SLC51A: variants seen among roughly 807,000 people sequenced by gnomAD.
SLC51A encodes solute carrier family 51 member A, also known as organic solute transporter subunit alpha.
Under a neutral mutation model 34.8 loss-of-function variants are expected in SLC51A, and 22 were observed. The ratio of observed to expected loss-of-function variants is 0.63; its 90% confidence interval spans 0.45 to 0.90. SLC51A has a LOEUF of 0.90. Ranked by LOEUF, SLC51A falls within the 40% of genes least tolerant of loss-of-function variation. The probability of loss-of-function intolerance (pLI) is 0.00; values close to 1 mark genes in which losing one functional copy is unlikely to be tolerated. For synonymous variants in SLC51A, 181 were observed against 176.3 expected, an observed-to-expected ratio of 1.03 and a Z score of -0.21; for missense variants, 371 against 414.8, an observed-to-expected ratio of 0.89 and a Z score of 0.92.
At position 196,228,383 on chromosome 3, in the gene SLC51A, GA is replaced by G. The variant is rs1723948879; in HGVS notation, c.521+112del. 4 of 1,392,086 alleles carry G rather than the reference GA, an allele frequency of 2.9e-6. No homozygotes were observed. The highest frequency in any genetic ancestry group is 3.8e-6 in the Non-Finnish European group (4 of 1,052,342). 86.2% of individuals were successfully genotyped at this position (1,392,086 alleles called of 1,614,324 possible). Reference sequence around the variant, plus strand: ...CGTGAATAGGCCAAAGCCAGTGACGGAAGGGTGGGCATCCCACGGCCAGGAC... The same window carrying G: ...CGTGAATAGGCCAAAGCCAGTGACGGAGGGTGGGCATCCCACGGCCAGGAC... On this transcript the variant is annotated intron_variant, in intron 5 of 8. Transcript: ENST00000296327. This position sits in a 1 kb window ranked among gnomAD's most constrained non-coding sequence, Gnocchi z 4.9.
At chr3:196,219,458 A>C (rs563174966) in intron 2 of SLC51A, among the ~76,000 whole-genome samples, 2 of 152,252 alleles carry the variant, frequency 1.3e-5, no homozygotes, top group Non-Finnish European at 2.9e-5. Flanking sequence ...TTCCCAGGCA[A>C]CAGGAAGCTC....
At position 196,217,926 on chromosome 3, in the gene SLC51A, A is replaced by G. The variant is rs568024007; in HGVS notation, c.123A>G (p.Gln41=). Residue 41 remains glutamine, a synonymous_variant, in exon 2 of 9, where the codon CAA becomes CAG. Transcript: ENST00000296327. ...TCTCTCAGCCTCCCACAGCAGCCCA[A>G]CTCCTGAGAGGTGAGTGGGGACCCT... The part of the protein sequence containing the change: ...ACFSQPPTAA[Q]LLRALGPVEL... The G allele has an allele frequency of 1.7e-5, 27 of 1,612,346 alleles. No homozygotes were observed. The highest frequency in any genetic ancestry group is 1.6e-4 in the Middle Eastern group (1 of 6,066).
chr3:196,224,193 T>G (rs990141183), intron 2 of SLC51A, among the ~76,000 whole-genome samples: 35 of 151,734 alleles, frequency 2.3e-4, no homozygotes, highest in African/African-American at 8.2e-4. Context: ...TTTGTAGAAA[T>G]CATACTATTC....
At chr3:196,229,640 G>C (rs1723983758) in intron 6 of SLC51A, among the ~76,000 whole-genome samples, 1 of 147,508 alleles carries the variant, frequency 6.8e-6, no homozygotes, top group African/African-American at 2.5e-5. Flanking sequence ...GCCTCCCAAA[G>C]TGCTGGGATT....
intron 2 of SLC51A, among the ~76,000 whole-genome samples, chr3:196,223,574 G>C (rs1053885179): frequency 6.6e-6 from 1 of 151,764 alleles, no homozygotes; most frequent in African/African-American, 2.4e-5. Flanking sequence ...ACACGGGGCT[G>C]GGGGTAAGAG....
Position 196,228,810 on chromosome 3 carries a change from A to G in SLC51A, c.523A>G (p.Lys175Glu), listed in dbSNP as rs986972559. Residue 175 changes from lysine (K) to glutamate (E), a missense_variant and splice_region_variant, in exon 6 of 9, where the codon AAG (lysine) becomes GAG (glutamate). Coordinates refer to ENST00000296327, the MANE Select transcript of SLC51A (RefSeq NM_152672.6). This position sits in a 1 kb window ranked among gnomAD's most constrained non-coding sequence, Gnocchi z 4.9. ...PCCPRLLLTR[K>E]KLQLLMLGPF... ...TTCCTAACCCTCTTCCCCACTCAGGAAGAAGCTTCAGCTGCTGATGTTGGG... is the reference window on the plus strand; with the variant it reads ...TTCCTAACCCTCTTCCCCACTCAGGGAGAAGCTTCAGCTGCTGATGTTGGG... 2 of 1,613,902 alleles carry G rather than the reference A, an allele frequency of 1.2e-6. No homozygotes were observed. The highest frequency in any genetic ancestry group is 8.5e-7 in the Non-Finnish European group (1 of 1,179,826).
chr3:196,231,780 TA>T (rs1560155800), intron 7 of SLC51A, among the ~76,000 whole-genome samples: 2 of 152,240 alleles, frequency 1.3e-5, no homozygotes, highest in Non-Finnish European at 2.9e-5. Context: ...AATACTAAGA[TA>T]AATGGTGCTT....
At chr3:196,218,314 G>A (rs35551560) in intron 2 of SLC51A, among the ~76,000 whole-genome samples, 25,109 of 152,226 alleles carry the variant, frequency 0.16, 2,279 homozygotes, top group Middle Eastern at 0.28. Context: ...CACGGCATCC[G>A]CCCTGGACCC....
intron 2 of SLC51A, among the ~76,000 whole-genome samples, chr3:196,218,214 C>A (rs560152766): frequency 1.3e-5 from 2 of 152,324 alleles, no homozygotes; most frequent in Admixed American, 6.5e-5. Flanking sequence ...GACACTGCGA[C>A]CTGGGGCGCT....
In SLC51A at chr3:196,228,228, C is replaced by CCTGCTG; in HGVS notation, c.487_492dup (p.Cys163_Cys164dup). The stretch of plus-strand genomic sequence containing the variant: ...ACCCCGATGATGGTCCACACAGGCC[C>CCTGCTG]CTGCTGCTGCTGCTGCCCCTGCTGT... On this transcript the variant is annotated inframe_insertion, in exon 5 of 9. Transcript: ENST00000296327. This position sits in a 1 kb window ranked among gnomAD's most constrained non-coding sequence, Gnocchi z 4.9. 6.2e-7 allele frequency: 1 copy of CCTGCTG among 1,613,054 alleles called. No individual in the cohort carries two copies. The highest frequency in any genetic ancestry group is 8.5e-7 in the Non-Finnish European group (1 of 1,179,526).
chr3:196,230,123 T>C lies in SLC51A; in HGVS notation c.780+62T>C. The C allele has an allele frequency of 2.7e-6, 4 of 1,455,564 alleles. No homozygotes were observed. The Middle Eastern group carries it at 5.5e-4, about 201-fold the overall frequency. 90.2% of individuals were successfully genotyped at this position (1,455,564 alleles called of 1,614,324 possible). A position where few individuals can be genotyped will look rare whatever the true frequency, so the allele number is the denominator to read the frequency against. On this transcript the variant is annotated intron_variant, in intron 7 of 8. Coordinates refer to ENST00000296327, the MANE Select transcript of SLC51A (RefSeq NM_152672.6). ...CCGAGCTACAGATAGTTGGGGTTAGTAAGTGAGGCCAATAAAGGCTAAAGT... is the reference window on the plus strand; with the variant it reads ...CCGAGCTACAGATAGTTGGGGTTAGCAAGTGAGGCCAATAAAGGCTAAAGT...
intron 1 of SLC51A, among the ~76,000 whole-genome samples, 182 bp from the exon 2 acceptor site, chr3:196,217,660 G>GGGAAGA (rs1480457104): frequency 1.3e-5 from 2 of 150,710 alleles, no homozygotes; most frequent in African/African-American, 4.9e-5. Flanking sequence ...GAAGGGGAAG[G>GGGAAGA]GAGAGAGAAA....
chr3:196,226,083 A>G (rs538986553), intron 2 of SLC51A, among the ~76,000 whole-genome samples: 91 of 152,248 alleles, frequency 6.0e-4, no homozygotes, highest in Non-Finnish European at 1.1e-3. Context: ...TTGGGAGACC[A>G]GGGTGGAAGG....
At chr3:196,223,961 C>A (rs1263928207) in intron 2 of SLC51A, 1 of 362,996 alleles carries the variant, frequency 2.8e-6, no homozygotes, top group Non-Finnish European at 5.2e-6. Flanking sequence ...CCAGTTCAAG[C>A]AATTCTCCTG....
Position 196,233,057 on chromosome 3 carries a change from C to A in SLC51A, c.887-6C>A, listed in dbSNP as rs1179087557. 2 of 1,613,980 alleles carry A rather than the reference C, an allele frequency of 1.2e-6. No individual in the cohort carries two copies. The highest frequency in any genetic ancestry group is 8.5e-7 in the Non-Finnish European group (1 of 1,179,844). On this transcript the variant is annotated splice_polypyrimidine_tract_variant and splice_region_variant and intron_variant, in intron 8 of 8. Transcript: ENST00000296327. The stretch of plus-strand genomic sequence containing the variant: ...AACCTACGCTGTATTTCACCCTACA[C>A]TGCAGTGATGAATTGCCACCTCCTC...
intron 2 of SLC51A, among the ~76,000 whole-genome samples, chr3:196,221,890 T>C (rs1364270507): frequency 6.6e-6 from 1 of 151,874 alleles, no homozygotes; most frequent in African/African-American, 2.4e-5. Context: ...TAATTTTTTG[T>C]ATATTTTTTA....
At chr3:196,226,812 T>G (rs1291936102) in intron 2 of SLC51A, among the ~76,000 whole-genome samples, 153 bp from the exon 3 acceptor site, 1 of 148,774 alleles carries the variant, frequency 6.7e-6, no homozygotes, top group Non-Finnish European at 1.5e-5. Flanking sequence ...AAAAAGACTA[T>G]TTCTTAGGTT....
chr3:196,227,974 C>A, intron 4 of SLC51A, 141 bp from the exon 5 acceptor site: 1 of 1,153,664 alleles, frequency 8.7e-7, no homozygotes, highest in Non-Finnish European at 1.2e-6. Flanking sequence ...GTCCTGTGGG[C>A]CGTCTCCTCT....
rs934614586 is a variant in SLC51A at position 196,232,698 on chromosome 3, C to CA, written c.886+175dup. 1.6e-5 allele frequency: 10 copies of CA among 616,044 alleles called. No homozygotes were observed. In the African/African-American group the frequency reaches 1.8e-4, roughly 11 times the overall value. 38.2% of individuals were successfully genotyped at this position (616,044 alleles called of 1,614,324 possible). A position where few individuals can be genotyped will look rare whatever the true frequency, so the allele number is the denominator to read the frequency against. On this transcript the variant is annotated intron_variant, in intron 8 of 8. Coordinates refer to ENST00000296327, the MANE Select transcript of SLC51A (RefSeq NM_152672.6). ...AAGGAAACTATGACCTCTCTGATCA[C>CA]ACAGAAGAGAAGTGAAACCCCACAG...
Sources: gnomAD v4.1 joint callset for allele counts (sites outside exome capture counted in the v4.1 genomes callset) on GRCh38, gnomAD v4.1.1 for gene constraint, Gnocchi (gnomAD v3.1) non-coding constraint, MANE v1.5 for transcripts, NCBI Gene and HGNC (gene_info 2026-07-23, HGNC 2026-07-21) for gene names.